The following AQR variants were observed in gnomAD, a reference collection of about 807,000 sequenced individuals.
The protein encoded by AQR is aquarius intron-binding spliceosomal factor, also known as RNA helicase aquarius.
A neutral mutation model predicts 180.5 loss-of-function variants in AQR; 61 were observed. That is an observed-to-expected ratio of 0.34 (90% CI 0.28 to 0.42). The LOEUF (loss-of-function observed/expected upper bound fraction) is 0.42. Among genes scored for constraint, AQR ranks in the 10% least tolerant of loss-of-function variants. AQR has a pLI of 1.00. For missense variants in AQR, 1,281 were observed against 1,798.3 expected, an observed-to-expected ratio of 0.71 and a Z score of 5.20; for synonymous variants, 551 against 588.8, an observed-to-expected ratio of 0.94 and a Z score of 0.93.
chr15:34,877,772 G>C (rs1346233110), intron 27 of AQR, among the ~76,000 whole-genome samples: 1 of 152,060 alleles, frequency 6.6e-6, no homozygotes, highest in African/African-American at 2.4e-5. Context: ...GTATTTATTA[G>C]TCAGATCATT....
intron 10 of AQR, among the ~76,000 whole-genome samples, chr15:34,933,724 T>C (rs1893901210): frequency 6.6e-6 from 1 of 152,190 alleles, no homozygotes; most frequent in Non-Finnish European, 1.5e-5. Flanking sequence ...AGTCAGTCAT[T>C]TGAAAACCTG....
rs558079125 is a variant in AQR at position 34,863,210 on chromosome 15, C to A, written c.3855-169G>T. 6.6e-5 allele frequency: 38 copies of A among 577,674 alleles called. 1 individual carries two copies. In the South Asian group the frequency reaches 1.1e-3, roughly 16 times the overall value. 35.8% of individuals were successfully genotyped at this position (577,674 alleles called of 1,614,324 possible). A position where few individuals can be genotyped will look rare whatever the true frequency, so the allele number is the denominator to read the frequency against. ...AATCAATGTTACGTGACTAATAAACCAAGTAAAAGTTAAGGCTTTATTACT... is the reference window on the plus strand; with the variant it reads ...AATCAATGTTACGTGACTAATAAACAAAGTAAAAGTTAAGGCTTTATTACT... On this transcript the variant is annotated intron_variant, in intron 32 of 34. Transcript: ENST00000156471.
At chr15:34,871,993 G>T (rs780458184) in intron 30 of AQR, among the ~76,000 whole-genome samples, 10 of 149,394 alleles carry the variant, frequency 6.7e-5, no homozygotes, top group Non-Finnish European at 1.0e-4. Flanking sequence ...TTCATGCAAA[G>T]GCAACCGAAA....
chr15:34,947,228 G>A (rs372978656), intron 5 of AQR, among the ~76,000 whole-genome samples: 1 of 150,810 alleles, frequency 6.6e-6, no homozygotes, highest in African/African-American at 2.5e-5. Flanking sequence ...CCTGTGCTCT[G>A]TGAAACATGT....
intron 4 of AQR, among the ~76,000 whole-genome samples, chr15:34,951,855 A>AT (rs1894238829): frequency 6.6e-6 from 1 of 152,128 alleles, no homozygotes. Context: ...TGGAAAGAGC[A>AT]TATTTATCTC....
At chr15:34,881,237 T>C (rs1334999191) in intron 27 of AQR, among the ~76,000 whole-genome samples, 1 of 152,176 alleles carries the variant, frequency 6.6e-6, no homozygotes, top group Non-Finnish European at 1.5e-5. Context: ...AAGGGTAAGT[T>C]CACACCACTG....
intron 24 of AQR, among the ~76,000 whole-genome samples, chr15:34,887,496 A>T (rs1009565745): frequency 6.6e-6 from 1 of 152,240 alleles, no homozygotes; most frequent in Non-Finnish European, 1.5e-5. Flanking sequence ...CAAACCTAGC[A>T]GGTTCTTAAT....
intron 14 of AQR, among the ~76,000 whole-genome samples, 179 bp from the exon 15 acceptor site, chr15:34,918,557 T>C (rs967586129): frequency 6.6e-6 from 1 of 152,236 alleles, no homozygotes; most frequent in Non-Finnish European, 1.5e-5. Flanking sequence ...GTAATGGTCT[T>C]TGGAATCAGA....
intron 24 of AQR, 152 bp downstream of exon 24, chr15:34,890,063 T>C: frequency 3.4e-6 from 2 of 589,688 alleles, no homozygotes; most frequent in Non-Finnish European, 5.6e-6. Context: ...ATCATGACCA[T>C]ATTTCTAGCT....
chr15:34,913,852 C>A (rs896591779), intron 16 of AQR, among the ~76,000 whole-genome samples: 1 of 152,200 alleles, frequency 6.6e-6, no homozygotes, highest in African/African-American at 2.4e-5. Context: ...AGTGGGTATA[C>A]AAATTTCACA....
chr15:34,898,984 G>A (rs966934135), intron 20 of AQR, among the ~76,000 whole-genome samples: 3 of 149,790 alleles, frequency 2.0e-5, no homozygotes, highest in Admixed American at 6.7e-5. Flanking sequence ...TGGCTAACAC[G>A]GTGAAACCCT....
At chr15:34,932,503 A>C in intron 10 of AQR, 69 bp from the exon 11 acceptor site, 1 of 1,117,650 alleles carries the variant, frequency 8.9e-7, no homozygotes, top group Non-Finnish European at 1.3e-6. Context: ...AAATCTAGTG[A>C]TATTTAACTC....
chr15:34,862,842 T>C (rs1343246726), intron 33 of AQR, 25 bp downstream of exon 33: 4 of 1,610,798 alleles, frequency 2.5e-6, no homozygotes, highest in East Asian at 4.5e-5. Flanking sequence ...AATGCTGTTT[T>C]ATAAAATGAA....
chr15:34,969,700 C>T lies in AQR; in HGVS notation c.-87G>A. 5.0e-6 allele frequency: 7 copies of T among 1,391,208 alleles called. No homozygotes were observed. Among genetic ancestry groups the T allele is most frequent in the Non-Finnish European group, 6.8e-6 (7 of 1,029,248 alleles). The allele number at this position is 1,391,208 out of a possible 1,614,324, so 86.2% of individuals were successfully genotyped here. ...TGGTCCACTTCCCTTAAGTTACTGC[C>T]GGGGCGCTTAACTCCGCGCCGCACA... On this transcript the variant is annotated 5_prime_UTR_variant, in exon 1 of 35. Transcript: ENST00000156471.
At chr15:34,930,460 G>A in intron 11 of AQR, 89 bp from the exon 12 acceptor site, 1 of 693,172 alleles carries the variant, frequency 1.4e-6, no homozygotes, top group South Asian at 2.5e-5. Flanking sequence ...GGTTCATACA[G>A]TTTCTCAGAG....
intron 33 of AQR, 74 bp from the exon 34 acceptor site, chr15:34,860,229 T>C (rs572724846): frequency 1.6e-6 from 1 of 636,278 alleles, no homozygotes; most frequent in Non-Finnish European, 2.4e-6. Context: ...CATAAACCCA[T>C]TTCTTAATCT....
chr15:34,863,441 C>G (rs1400032223), intron 32 of AQR, among the ~76,000 whole-genome samples: 1 of 152,046 alleles, frequency 6.6e-6, no homozygotes, highest in Admixed American at 6.6e-5. Flanking sequence ...AATTTTACTT[C>G]CTAGATAACT....
intron 3 of AQR, among the ~76,000 whole-genome samples, chr15:34,954,189 T>A (rs1323214017): frequency 6.6e-6 from 1 of 151,394 alleles, no homozygotes; most frequent in East Asian, 1.9e-4. Context: ...AATGCTAGGA[T>A]TACAGGCGTG....
At chr15:34,938,642 C>A in intron 9 of AQR, 95 bp downstream of exon 9, 3 of 797,708 alleles carry the variant, frequency 3.8e-6, no homozygotes, top group South Asian at 3.5e-5. Flanking sequence ...AATTTAAAAT[C>A]ATTCCAAGAA....
Sources: gnomAD v4.1 joint callset for allele counts (sites outside exome capture counted in the v4.1 genomes callset) on GRCh38, gnomAD v4.1.1 for gene constraint, MANE v1.5 for transcripts, NCBI Gene and HGNC (gene_info 2026-07-23, HGNC 2026-07-21) for gene names.